The following WIF1 variants were observed in gnomAD, a reference collection of about 807,000 sequenced individuals.
WIF1 encodes Wnt inhibitory factor 1.
A neutral mutation model predicts 53.5 loss-of-function variants in WIF1; 35 were observed. That is an observed-to-expected ratio of 0.65 (90% CI 0.50 to 0.87). WIF1 has a LOEUF of 0.87. Ranked by LOEUF, WIF1 falls within the 40% of genes least tolerant of loss-of-function variation. The probability of loss-of-function intolerance (pLI) is 0.00; values close to 1 mark genes in which losing one functional copy is unlikely to be tolerated. For missense variants in WIF1, 467 were observed against 476.8 expected (o/e 0.98, Z 0.19); for synonymous variants, 171 against 170.4 (o/e 1.00, Z -0.03).
chr12:65,078,653 G>A (rs556382087), intron 2 of WIF1, among the ~76,000 whole-genome samples: 16 of 151,898 alleles, frequency 1.1e-4, no homozygotes, highest in Non-Finnish European at 1.8e-4. Context: ...TTAATGTCTC[G>A]ATTTAATTGT....
At chr12:65,099,360 G>T (rs369588848) in intron 2 of WIF1, among the ~76,000 whole-genome samples, 170 of 152,230 alleles carry the variant, frequency 1.1e-3, no homozygotes, top group African/African-American at 4.0e-3. Flanking sequence ...CCTATTTGCC[G>T]CATGTTCACT....
intron 2 of WIF1, among the ~76,000 whole-genome samples, chr12:65,091,525 TA>T (rs1472988784): frequency 2.6e-5 from 4 of 151,884 alleles, no homozygotes; most frequent in African/African-American, 9.7e-5. Flanking sequence ...CTGTTTAAAT[TA>T]AATTCAATAT....
intron 2 of WIF1, among the ~76,000 whole-genome samples, chr12:65,100,285 G>A (rs979665074): frequency 3.3e-5 from 5 of 152,002 alleles, no homozygotes; most frequent in African/African-American, 1.2e-4. Flanking sequence ...TAAACTTGAG[G>A]GATCTTAACA....
intron 2 of WIF1, among the ~76,000 whole-genome samples, chr12:65,099,765 T>TA (rs1309491118): frequency 6.6e-6 from 1 of 152,170 alleles, no homozygotes; most frequent in Non-Finnish European, 1.5e-5. Context: ...CATAAGAATG[T>TA]ATTTGTTAGC....
chr12:65,118,897 C>T (rs912998221), intron 2 of WIF1, among the ~76,000 whole-genome samples: 2 of 151,940 alleles, frequency 1.3e-5, no homozygotes, highest in East Asian at 1.9e-4. Flanking sequence ...AGAGTGCGCA[C>T]GAGAGAGCTA....
At chr12:65,118,428 A>T (rs141783881) in intron 2 of WIF1, among the ~76,000 whole-genome samples, 1 of 152,222 alleles carries the variant, frequency 6.6e-6, no homozygotes, top group Non-Finnish European at 1.5e-5. Context: ...ATTTTAAAGC[A>T]TCTTGCTGCT....
intron 2 of WIF1, among the ~76,000 whole-genome samples, chr12:65,105,199 T>C (rs903916162): frequency 6.6e-6 from 1 of 151,970 alleles, no homozygotes; most frequent in Non-Finnish European, 1.5e-5. Flanking sequence ...ATGCATGAGA[T>C]GCCAGGGACC....
rs557320179 is a variant in WIF1, at chr12:65,115,592, G to C, written c.288+4825C>G. On this transcript the variant is annotated intron_variant, in intron 2 of 9. Transcript: ENST00000286574. Reference sequence around the variant, plus strand: ...AATAATAAAGCATGCCTCATTGAAAGATATCATCTATTGAAAAGTTTTATA... The same window carrying C: ...AATAATAAAGCATGCCTCATTGAAACATATCATCTATTGAAAAGTTTTATA... Among the ~76,000 whole-genome samples the C allele has an allele frequency of 7.2e-5, 11 of 152,312 alleles. No homozygotes were observed. In the South Asian group the frequency reaches 1.9e-3, roughly 26 times the overall value.
chr12:65,102,896 C>T (rs1342219606), intron 2 of WIF1, among the ~76,000 whole-genome samples: 3 of 152,088 alleles, frequency 2.0e-5, no homozygotes, highest in Admixed American at 6.6e-5. Flanking sequence ...TCTAGAAAAG[C>T]CTTGGATATA....
chr12:65,058,039 G>GA (rs1296005194), intron 7 of WIF1, among the ~76,000 whole-genome samples: 1 of 151,772 alleles, frequency 6.6e-6, no homozygotes, highest in African/African-American at 2.4e-5. Flanking sequence ...AAACAAGTAT[G>GA]AAAACAAACT....
Position 65,051,231 on chromosome 12 carries a change from T to C in WIF1, c.*118A>G. The C allele has an allele frequency of 1.6e-6, 2 of 1,288,714 alleles. No homozygotes were observed. The highest frequency in any genetic ancestry group is 2.1e-6 in the Non-Finnish European group (2 of 958,874). 79.8% of individuals were successfully genotyped at this position (1,288,714 alleles called of 1,614,324 possible). A position where few individuals can be genotyped will look rare whatever the true frequency, so the allele number is the denominator to read the frequency against. Reference sequence around the variant, plus strand: ...TCAGCTCAGTGATTTATAATGAAGCTAATAAAATTCAGGCCAGTATTCTTA... The same window carrying C: ...TCAGCTCAGTGATTTATAATGAAGCCAATAAAATTCAGGCCAGTATTCTTA... On this transcript the variant is annotated 3_prime_UTR_variant, in exon 10 of 10. Transcript: ENST00000286574.
In WIF1 at chr12:65,066,629, AGAAACT is replaced by A. The variant is rs1237790346; in HGVS notation, c.730+6_730+11del. The A allele has an allele frequency of 1.9e-6, 3 of 1,585,858 alleles. No homozygotes were observed. Among genetic ancestry groups the A allele is most frequent in the Non-Finnish European group, 2.6e-6 (3 of 1,169,674 alleles). ...AGTAAAAATAACTTTCTTCTTAAAA[AGAAACT>A]GTTACCTTTGTCACAGTTCACTCCA... On this transcript the variant is annotated splice_donor_region_variant and intron_variant, in intron 6 of 9. Transcript: ENST00000286574.
At chr12:65,083,381 T>G (rs894536646) in intron 2 of WIF1, among the ~76,000 whole-genome samples, 2 of 152,344 alleles carry the variant, frequency 1.3e-5, no homozygotes, top group Middle Eastern at 3.4e-3. Context: ...ACATTCTTCC[T>G]CAGAATTCTT....
chr12:65,089,730 TAC>T (rs1883095244), intron 2 of WIF1, among the ~76,000 whole-genome samples: 1 of 152,162 alleles, frequency 6.6e-6, no homozygotes, highest in South Asian at 2.1e-4. Flanking sequence ...GACTTTGACT[TAC>T]CTCTCCAAGC....
rs779580822 is a variant in WIF1 at position 65,067,734 on chromosome 12, C to T, written c.595G>A (p.Glu199Lys). 41 of 1,613,254 alleles carry T rather than the reference C, an allele frequency of 2.5e-5. No homozygotes were observed. Among genetic ancestry groups the T allele is most frequent in the Non-Finnish European group, 2.9e-5 (34 of 1,179,496 alleles). Reference sequence around the variant, plus strand: ...GGTCCGTGGAACCCATCAGGACACTCGCAGATGCGTCTTTCATTACAAAAG... The same window carrying T: ...GGTCCGTGGAACCCATCAGGACACTTGCAGATGCGTCTTTCATTACAAAAG... ...GGFCNERRICECPDGFHGPHC... is the reference protein window; with the variant it reads ...GGFCNERRICKCPDGFHGPHC... Residue 199 changes from glutamate to lysine, a missense_variant, in exon 5 of 10, where the codon GAG becomes AAG. By Grantham distance (56) the Glu-to-Lys change is moderately conservative. Coordinates refer to ENST00000286574, the MANE Select transcript of WIF1 (RefSeq NM_007191.5).
At chr12:65,087,779 G>T (rs1883062725) in intron 2 of WIF1, among the ~76,000 whole-genome samples, 1 of 151,832 alleles carries the variant, frequency 6.6e-6, no homozygotes, top group African/African-American at 2.4e-5. Flanking sequence ...ATATTACAAG[G>T]TATCTTCTAA....
intron 3 of WIF1, among the ~76,000 whole-genome samples, chr12:65,072,680 T>C (rs1882802144): frequency 6.6e-6 from 1 of 151,930 alleles, no homozygotes; most frequent in Non-Finnish European, 1.5e-5. Context: ...GAGAATAAAA[T>C]ACTAGCAACA....
At chr12:65,096,562 C>T (rs758856840) in intron 2 of WIF1, among the ~76,000 whole-genome samples, 2 of 152,194 alleles carry the variant, frequency 1.3e-5, no homozygotes, top group Non-Finnish European at 2.9e-5. Flanking sequence ...AAGACACATG[C>T]ACACATATGT....
chr12:65,051,436 T>C lies in WIF1; in HGVS notation c.1053A>G (p.Pro351=). Residue 351 remains proline (P), a synonymous_variant, in exon 10 of 10, where the codon CCA becomes CCG. Transcript: ENST00000286574. The part of the protein sequence containing the change: ...YEASLIHALR[P]AGAQLRQHTP... Reference sequence around the variant, plus strand: ...TGTGCTGCCTGAGCTGGGCGCCTGCTGGCCTCAGGGCATGTATGAGGCTGG... The same window carrying C: ...TGTGCTGCCTGAGCTGGGCGCCTGCCGGCCTCAGGGCATGTATGAGGCTGG... 2 of 1,613,370 alleles carry C rather than the reference T, an allele frequency of 1.2e-6. No individual in the cohort carries two copies. Among genetic ancestry groups the C allele is most frequent in the South Asian group, 1.1e-5 (1 of 90,918 alleles).
Sources: gnomAD v4.1 joint callset for allele counts (sites outside exome capture counted in the v4.1 genomes callset) on GRCh38, gnomAD v4.1.1 for gene constraint, MANE v1.5 for transcripts, NCBI Gene and HGNC (gene_info 2026-07-23, HGNC 2026-07-21) for gene names.